Variants in PTBP3 observed in about 807,000 individuals in gnomAD.
PTBP3 encodes the protein polypyrimidine tract binding protein 3, also known as polypyrimidine tract-binding protein 3.
Under a neutral mutation model 58.7 loss-of-function variants are expected in PTBP3, and 20 were observed. The observed-to-expected ratio is 0.34, with a 90% CI of 0.24 to 0.50. The LOEUF is 0.50. PTBP3 is among the 20% of genes least tolerant of loss of function. The pLI is 0.98. For synonymous variants in PTBP3, 185 were observed against 219.8 expected, an observed-to-expected ratio of 0.84 and a Z score of 1.40; for missense variants, 509 against 637.2, an observed-to-expected ratio of 0.80 and a Z score of 2.17.
intron 2 of PTBP3, among the ~76,000 whole-genome samples, chr9:112,277,976 CATAAT>C (rs1827699071): frequency 6.9e-6 from 1 of 144,578 alleles, no homozygotes; most frequent in Non-Finnish European, 1.5e-5. Context: ...CATAACATAA[CATAAT>C]GTATATCATG....
intron 8 of PTBP3, among the ~76,000 whole-genome samples, chr9:112,234,159 A>T (rs1835357906): frequency 6.6e-6 from 1 of 152,196 alleles, no homozygotes; most frequent in Admixed American, 6.6e-5. Context: ...AAAACCATAA[A>T]GTAACATTTT....
At chr9:112,308,375 A>C (rs955703918) in intron 1 of PTBP3, among the ~76,000 whole-genome samples, 8 of 151,952 alleles carry the variant, frequency 5.3e-5, no homozygotes, top group Non-Finnish European at 7.4e-5. Context: ...AAAAAAAAAA[A>C]AAAAAACTTT....
intron 1 of PTBP3, among the ~76,000 whole-genome samples, chr9:112,308,836 C>G (rs1329943474): frequency 1.3e-5 from 2 of 152,206 alleles, no homozygotes; most frequent in East Asian, 3.9e-4. Flanking sequence ...GTGGACTTGT[C>G]AGCTCTCTGG....
At chr9:112,326,215 A>G (rs926038013) in intron 1 of PTBP3, among the ~76,000 whole-genome samples, 5 of 152,224 alleles carry the variant, frequency 3.3e-5, no homozygotes, top group African/African-American at 7.2e-5. Flanking sequence ...ATTTCATTCT[A>G]TGTAAATTAC....
intron 1 of PTBP3, among the ~76,000 whole-genome samples, chr9:112,319,622 C>A (rs1262291428): frequency 6.6e-6 from 1 of 152,102 alleles, no homozygotes; most frequent in Non-Finnish European, 1.5e-5. Flanking sequence ...ATGGAAGTTT[C>A]TAAAAATATT....
chr9:112,233,577 A>T (rs1835331042), intron 8 of PTBP3, among the ~76,000 whole-genome samples: 1 of 152,024 alleles, frequency 6.6e-6, no homozygotes, highest in East Asian at 1.9e-4. Flanking sequence ...AAGATGGTAA[A>T]ATTTAAAACC....
chr9:112,342,905 C>G, the PTBP3 span, among the ~76,000 whole-genome samples: 12 of 152,154 alleles, frequency 7.9e-5, no homozygotes, highest in Admixed American at 7.9e-4. Flanking sequence ...GTTGCCCAGA[C>G]TGAACTCAAA....
intron 1 of PTBP3, among the ~76,000 whole-genome samples, chr9:112,330,159 C>CT (rs1176684122): frequency 3.3e-5 from 5 of 152,116 alleles, no homozygotes; most frequent in Non-Finnish European, 7.4e-5. Context: ...CGGCCTAAGC[C>CT]TAGGCTACAT....
chr9:112,268,594 G>T (rs1274859526), intron 3 of PTBP3, among the ~76,000 whole-genome samples: 1 of 151,442 alleles, frequency 6.6e-6, no homozygotes, highest in African/African-American at 2.4e-5. Flanking sequence ...TACTTGGGGT[G>T]GGGGGGTGAG....
At position 112,333,454 on chromosome 9, in the gene PTBP3, G is replaced by T. The variant is rs769768119; in HGVS notation, c.-52+16C>A. 3 of 1,574,180 alleles carry T rather than the reference G, an allele frequency of 1.9e-6. No individual in the cohort carries two copies. Among genetic ancestry groups the T allele is most frequent in the Non-Finnish European group, 2.6e-6 (3 of 1,160,918 alleles). ...CAAGGCAACCCGGTGCGGCCGCCGC[G>T]CCGCCTAGTACTTACCCATCCATGG... On this transcript the variant is annotated intron_variant, in intron 1 of 13. Coordinates refer to ENST00000374257, the MANE Select transcript of PTBP3 (RefSeq NM_001163788.4).
chr9:112,334,194 G>T (rs894857602), upstream of PTBP3, among the ~76,000 whole-genome samples: 17 of 152,192 alleles, frequency 1.1e-4, no homozygotes, highest in Middle Eastern at 3.4e-3. Context: ...CATAGGTGTG[G>T]CTGGGACGAT....
chr9:112,238,276 T>G (rs1338402370), intron 7 of PTBP3, among the ~76,000 whole-genome samples: 1 of 152,080 alleles, frequency 6.6e-6, no homozygotes, highest in Non-Finnish European at 1.5e-5. Flanking sequence ...CCAAATAAAA[T>G]TTCTAGAAAT....
chr9:112,365,292 C>T, the PTBP3 span, among the ~76,000 whole-genome samples: 1 of 152,132 alleles, frequency 6.6e-6, no homozygotes, highest in South Asian at 2.1e-4. Flanking sequence ...CTTGTAGCTC[C>T]CATAATTCCC....
In PTBP3 at chr9:112,333,439, C is replaced by A. The variant is rs780300478; in HGVS notation, c.-52+31G>T. 11 of 1,570,230 alleles carry A rather than the reference C, an allele frequency of 7.0e-6. No homozygotes were observed. In the African/African-American group the frequency reaches 1.4e-4, roughly 20 times the overall value. ...GGGTGGAAGCGGCGCCAAGGCAACCCGGTGCGGCCGCCGCGCCGCCTAGTA... is the reference window on the plus strand; with the variant it reads ...GGGTGGAAGCGGCGCCAAGGCAACCAGGTGCGGCCGCCGCGCCGCCTAGTA... On this transcript the variant is annotated intron_variant, in intron 1 of 13. Transcript: ENST00000374257.
At chr9:112,317,352 C>T (rs939829028) in intron 1 of PTBP3, among the ~76,000 whole-genome samples, 4 of 151,096 alleles carry the variant, frequency 2.6e-5, no homozygotes, top group Non-Finnish European at 3.0e-5. Context: ...GCCCAGGATC[C>T]ACCACTGCAC....
the PTBP3 span, among the ~76,000 whole-genome samples, chr9:112,341,218 A>G: frequency 1.3e-5 from 2 of 151,810 alleles, no homozygotes; most frequent in East Asian, 3.9e-4. Context: ...TGCAACCTCC[A>G]CCTCCTGGGT....
chr9:112,279,176 C>G (rs1017227203), intron 2 of PTBP3, among the ~76,000 whole-genome samples: 9 of 151,862 alleles, frequency 5.9e-5, no homozygotes, highest in Non-Finnish European at 1.3e-4. Flanking sequence ...ATTTAAAAGC[C>G]AATAGGAAAC....
the PTBP3 span, among the ~76,000 whole-genome samples, chr9:112,356,272 C>T: frequency 6.6e-5 from 10 of 152,170 alleles, no homozygotes; most frequent in Admixed American, 6.5e-4. Context: ...AGCCACAGTA[C>T]CGGACTGGAA....
intron 7 of PTBP3, among the ~76,000 whole-genome samples, chr9:112,239,848 AGGGAGGG>A (rs1835580517): frequency 4.4e-5 from 1 of 22,760 alleles, no homozygotes; most frequent in African/African-American, 2.3e-4. Context: ...GGAGGGAGGG[AGGGAGGG>A]AGGGAGGGAG....
Sources: allele counts gnomAD v4.1 joint callset (sites outside exome capture counted in the v4.1 genomes callset), GRCh38; gene constraint gnomAD v4.1.1; transcripts MANE v1.5; gene names NCBI Gene and HGNC (gene_info 2026-07-23, HGNC 2026-07-21).